The following PPP1R13B variants were observed in gnomAD, a reference collection of about 807,000 sequenced individuals.
PPP1R13B encodes protein phosphatase 1 regulatory subunit 13B.
In PPP1R13B, 44 loss-of-function variants were observed where a neutral mutation model predicts 119.8. That is an observed-to-expected ratio of 0.37 (90% CI 0.29 to 0.47). The LOEUF (loss-of-function observed/expected upper bound fraction) is 0.47. Among genes scored for constraint, PPP1R13B ranks in the 20% least tolerant of loss-of-function variants. The pLI is 0.99. For synonymous variants in PPP1R13B, 542 were observed against 561.5 expected (o/e 0.97, Z 0.49); for missense variants, 1,227 against 1,413.5 (o/e 0.87, Z 2.12).
intron 4 of PPP1R13B, among the ~76,000 whole-genome samples, chr14:103,776,164 GGGAA>G (rs1185866697): frequency 2.8e-5 from 3 of 107,916 alleles, no homozygotes; most frequent in Admixed American, 8.9e-5. Flanking sequence ...AAGGGAGGAA[GGGAA>G]GGAGGGAGGG....
intron 4 of PPP1R13B, among the ~76,000 whole-genome samples, chr14:103,760,777 G>A (rs1183793146): frequency 1.3e-5 from 2 of 152,012 alleles, no homozygotes; most frequent in Non-Finnish European, 2.9e-5. Flanking sequence ...GGCCCACCCC[G>A]CCTCAGGTCT....
chr14:103,792,169 C>CGTGTGTGT (rs58782839), intron 2 of PPP1R13B, among the ~76,000 whole-genome samples: 17,745 of 137,050 alleles, frequency 0.13, 1,179 homozygotes, highest in Non-Finnish European at 0.15. Context: ...CTCTATTCAT[C>CGTGTGTGT]GTGTGTGTGT....
At chr14:103,787,025 T>C (rs1199828779) in intron 2 of PPP1R13B, among the ~76,000 whole-genome samples, 2 of 151,610 alleles carry the variant, frequency 1.3e-5, no homozygotes, top group Admixed American at 6.6e-5. Flanking sequence ...AGCTAATTTT[T>C]TGAATTTTTT....
intron 4 of PPP1R13B, among the ~76,000 whole-genome samples, chr14:103,761,274 TAAAAA>T (rs59281762): frequency 2.7e-4 from 28 of 104,748 alleles, no homozygotes; most frequent in Middle Eastern, 6.6e-3. Context: ...ACCCTATATT[TAAAAA>T]AAAAAAAAAA....
intron 4 of PPP1R13B, among the ~76,000 whole-genome samples, chr14:103,772,882 G>A (rs916895488): frequency 6.6e-6 from 1 of 152,076 alleles, no homozygotes; most frequent in Non-Finnish European, 1.5e-5. Context: ...GGCCAGGCTG[G>A]TCTCGAACTC....
At position 103,744,524 on chromosome 14, in the gene PPP1R13B, C is replaced by CT. The variant is rs775814179; in HGVS notation, c.1151-1702dup. On this transcript the variant is annotated intron_variant, in intron 9 of 16. Transcript: ENST00000202556. The stretch of plus-strand genomic sequence containing the variant: ...TCAAATCTAGATGTGATGAGCAGAC[C>CT]TTTGTCAGTTTGGAAAAACAAGTGA... Among the ~76,000 whole-genome samples, 29 of 152,264 alleles carry CT rather than the reference C, an allele frequency of 1.9e-4. 1 individual carries two copies. The highest frequency in any genetic ancestry group is 5.2e-4 in the Admixed American group (8 of 15,292).
At chr14:103,834,904 C>G (rs1174107930) in intron 1 of PPP1R13B, among the ~76,000 whole-genome samples, 1 of 151,610 alleles carries the variant, frequency 6.6e-6, no homozygotes, top group African/African-American at 2.4e-5. Context: ...ACTTTGATTT[C>G]TAAGAAAAGC....
rs766055727 is a variant in PPP1R13B at position 103,826,884 on chromosome 14, C to T, written c.9+20415G>A. ...AAAATTAGCTGGGCGTGGTGGCAGG[C>T]GCCTGTAGTCCCAGCTACTGGGGAG... On this transcript the variant is annotated intron_variant, in intron 1 of 16. Coordinates refer to ENST00000202556, the MANE Select transcript of PPP1R13B (RefSeq NM_015316.3). 5.5e-4 allele frequency among the ~76,000 whole-genome samples: 84 copies of T among 151,454 alleles called. 1 individual carries two copies. The highest frequency in any genetic ancestry group is 6.9e-3 in the Middle Eastern group (2 of 290).
chr14:103,793,120 C>G, intron 2 of PPP1R13B, among the ~76,000 whole-genome samples: 1 of 52,232 alleles, frequency 1.9e-5, no homozygotes, highest in African/African-American at 7.9e-5. Context: ...GGAGGGAAGG[C>G]AATGGGAGGG....
intron 2 of PPP1R13B, among the ~76,000 whole-genome samples, chr14:103,790,800 T>G (rs149829907): frequency 7.3e-4 from 111 of 152,202 alleles, no homozygotes; most frequent in Middle Eastern, 3.4e-3. Flanking sequence ...AGGTCAGGAG[T>G]TGGAGACCAG....
At chr14:103,754,369 A>T in intron 5 of PPP1R13B, 125 bp from the exon 6 acceptor site, 1 of 818,206 alleles carries the variant, frequency 1.2e-6, no homozygotes, top group Non-Finnish European at 1.9e-6. Flanking sequence ...GTTCGAGACC[A>T]GCCTGGCCAA....
chr14:103,764,897 C>T (rs1023718701), intron 4 of PPP1R13B, among the ~76,000 whole-genome samples: 1 of 152,124 alleles, frequency 6.6e-6, no homozygotes, highest in African/African-American at 2.4e-5. Context: ...CGGCTCACTG[C>T]AAGCTCTGCC....
chr14:103,745,652 T>C (rs1433913342), intron 9 of PPP1R13B, among the ~76,000 whole-genome samples: 1 of 152,184 alleles, frequency 6.6e-6, no homozygotes, highest in Non-Finnish European at 1.5e-5. Flanking sequence ...GTGTGGACTT[T>C]GATCAATGAG....
intron 1 of PPP1R13B, among the ~76,000 whole-genome samples, chr14:103,813,898 C>T (rs1282982070): frequency 6.6e-6 from 1 of 152,152 alleles, no homozygotes; most frequent in Non-Finnish European, 1.5e-5. Context: ...TGAAAAGTCA[C>T]TGCACTAGGG....
rs1463401050 is a variant in PPP1R13B at position 103,739,867 on chromosome 14, G to A, written c.2549C>T (p.Pro850Leu). 6.2e-7 allele frequency: 1 copy of A among 1,613,572 alleles called. No homozygotes were observed. The highest frequency in any genetic ancestry group is 1.1e-5 in the South Asian group (1 of 91,020). ...GTGGCTGGCAGGGGGAAGAGGTGCT[G>A]GAGGGACCTGCTCTTCCCCTGGAGA... The part of the protein sequence containing the change: ...APSPGEEQVP[P>L]APLPPASHPP... The change falls in exon 12 of 17, where the codon CCA (proline) becomes CTA (leucine). Residue 850 changes from proline to leucine, a missense_variant. By Grantham distance (98) the Pro-to-Leu change is moderately conservative. Transcript: ENST00000202556.
Position 103,754,083 on chromosome 14 carries a change from C to T in PPP1R13B, c.618G>A (p.Met206Ile). ...MRGQVDYSKI[M>I]NGNLSAEIER... ...GCAGGCACGTACACAGATTGCCGTT[C>T]ATGATTTTGCTGTAGTCGACTTGTC... The change falls in exon 6 of 17, where the codon ATG becomes ATA. Residue 206 changes from methionine (M) to isoleucine (I), a missense_variant. Met to Ile is a conservative substitution (Grantham distance 10). Transcript: ENST00000202556. The T allele has an allele frequency of 1.2e-6, 2 of 1,613,964 alleles. No homozygotes were observed. The highest frequency in any genetic ancestry group is 8.5e-7 in the Non-Finnish European group (1 of 1,179,960).
At chr14:103,794,871 G>A (rs187199402) in intron 2 of PPP1R13B, among the ~76,000 whole-genome samples, 17 of 152,292 alleles carry the variant, frequency 1.1e-4, no homozygotes, top group Admixed American at 3.9e-4. Flanking sequence ...GGATATAATG[G>A]TGAACAACAG....
chr14:103,837,139 C>T (rs2086797070), intron 1 of PPP1R13B, among the ~76,000 whole-genome samples: 1 of 152,186 alleles, frequency 6.6e-6, no homozygotes, highest in Non-Finnish European at 1.5e-5. Context: ...TGAGTCCAGT[C>T]CCTGCCCTGA....
At chr14:103,762,853 T>A in intron 4 of PPP1R13B, 3 of 1,024,052 alleles carry the variant, frequency 2.9e-6, no homozygotes, top group Non-Finnish European at 4.5e-6. Flanking sequence ...CAGGGAAGAG[T>A]GGAAAAAGTT....
Sources: gnomAD v4.1 joint callset for allele counts (sites outside exome capture counted in the v4.1 genomes callset) on GRCh38, gnomAD v4.1.1 for gene constraint, MANE v1.5 for transcripts, NCBI Gene and HGNC (gene_info 2026-07-23, HGNC 2026-07-21) for gene names.